Variants in MB21D2 observed in about 807,000 individuals in gnomAD.
The protein encoded by MB21D2 is Mab-21 domain containing 2, also known as nucleotidyltransferase MB21D2.
MB21D2 carries 9 observed loss-of-function variants against 33.3 expected under a neutral mutation model. That is an observed-to-expected ratio of 0.27 (90% confidence interval 0.16 to 0.47). MB21D2 has a LOEUF of 0.47. Ranked by LOEUF, MB21D2 falls within the 20% of genes least tolerant of loss-of-function variation. The pLI, the probability that MB21D2 is intolerant of heterozygous loss-of-function variation, is 0.99. For missense variants in MB21D2, 540 were observed against 624.6 expected (o/e 0.86, Z 1.44); for synonymous variants, 241 against 236.3 (o/e 1.02, Z -0.18).
chr3:192,842,909 CT>C (rs1318228909), intron 1 of MB21D2, among the ~76,000 whole-genome samples: 2 of 152,202 alleles, frequency 1.3e-5, no homozygotes, highest in East Asian at 3.8e-4. Flanking sequence ...GGACCCTAGC[CT>C]TTGGCAGACT....
chr3:192,839,703 TG>T (rs1283461115), intron 1 of MB21D2, among the ~76,000 whole-genome samples: 6 of 152,240 alleles, frequency 3.9e-5, no homozygotes, highest in African/African-American at 1.4e-4. Flanking sequence ...GTCATCAGAA[TG>T]GGAGCTTTCC....
chr3:192,893,816 G>A (rs372079268), intron 1 of MB21D2, among the ~76,000 whole-genome samples: 76 of 152,188 alleles, frequency 5.0e-4, no homozygotes, highest in African/African-American at 1.7e-3. Context: ...TGGGAGGATC[G>A]CTTGAGGCCA....
At chr3:192,900,299 A>G (rs1157129808) in intron 1 of MB21D2, among the ~76,000 whole-genome samples, 1 of 151,414 alleles carries the variant, frequency 6.6e-6, no homozygotes, top group Non-Finnish European at 1.5e-5. Context: ...AAAAAAAAAA[A>G]AAAAAAAAAT....
At chr3:192,837,903 C>T (rs575150405) in intron 1 of MB21D2, among the ~76,000 whole-genome samples, 1 of 152,306 alleles carries the variant, frequency 6.6e-6, no homozygotes, top group Admixed American at 6.5e-5. Context: ...AGGTACCGCC[C>T]ATCTATTTCT....
Position 192,917,546 on chromosome 3 carries a change from G to C in MB21D2, c.211+84C>G, listed in dbSNP as rs148673537. 2.4e-3 allele frequency: 3,499 copies of C among 1,447,586 alleles called. 70 individuals are homozygous for C. The African/African-American group carries it at 0.041, about 17-fold the overall frequency. 89.7% of individuals were successfully genotyped at this position (1,447,586 alleles called of 1,614,324 possible). A position where few individuals can be genotyped will look rare whatever the true frequency, so the allele number is the denominator to read the frequency against. ...CGGGAAGGCAACCCAGAAGGGAAGA[G>C]GTCGAGAAGCGGCAATGGGTTTTCT... On this transcript the variant is annotated intron_variant, in intron 1 of 1. Coordinates refer to ENST00000392452, the MANE Select transcript of MB21D2 (RefSeq NM_178496.4).
intron 1 of MB21D2, among the ~76,000 whole-genome samples, chr3:192,849,320 G>GT (rs1196794886): frequency 3.4e-4 from 46 of 134,348 alleles, no homozygotes; most frequent in African/African-American, 1.0e-3. Context: ...TTTTTTTGGG[G>GT]GGGGGGCGGG....
rs1246421758 is a variant in MB21D2 at position 192,817,136 on chromosome 3, T to A, written c.212-17486A>T. ...TCTATTCTATCACTTCCCTCCCTGT[T>A]TTTCTTTTAATTTTAGTTTTTATTT... On this transcript the variant is annotated intron_variant, in intron 1 of 1. Coordinates refer to ENST00000392452, the MANE Select transcript of MB21D2 (RefSeq NM_178496.4). 3.3e-5 allele frequency among the ~76,000 whole-genome samples: 5 copies of A among 152,218 alleles called. No homozygotes were observed. The East Asian group carries it at 7.7e-4, about 23-fold the overall frequency.
At chr3:192,894,269 T>C (rs1290215087) in intron 1 of MB21D2, among the ~76,000 whole-genome samples, 2 of 151,818 alleles carry the variant, frequency 1.3e-5, no homozygotes, top group African/African-American at 4.8e-5. Flanking sequence ...GCTGGGATTA[T>C]AGGCGCCCAC....
rs143056346 is a variant in MB21D2, at chr3:192,827,512, G to A, written c.212-27862C>T. On this transcript the variant is annotated intron_variant, in intron 1 of 1. Coordinates refer to ENST00000392452, the MANE Select transcript of MB21D2 (RefSeq NM_178496.4). ...TATTGAAGCTGGAGAGGTACTCTAC[G>A]TCCCAGCTTCTTATTTAAACCTCAC... Among the ~76,000 whole-genome samples the A allele has an allele frequency of 1.9e-3, 285 of 152,194 alleles. 3 individuals carry two copies. Among genetic ancestry groups the A allele is most frequent in the Admixed American group, 4.1e-3 (62 of 15,268 alleles).
At chr3:192,859,971 G>A (rs1323778171) in intron 1 of MB21D2, among the ~76,000 whole-genome samples, 1 of 152,238 alleles carries the variant, frequency 6.6e-6, no homozygotes, top group African/African-American at 2.4e-5. Context: ...CAGAAAGGAT[G>A]CAGAATGAAG....
At chr3:192,878,179 A>G (rs1399232879) in intron 1 of MB21D2, among the ~76,000 whole-genome samples, 1 of 144,938 alleles carries the variant, frequency 6.9e-6, no homozygotes, top group African/African-American at 2.7e-5. Flanking sequence ...GGCTCACTGC[A>G]AGCTCCGCCT....
intron 1 of MB21D2, among the ~76,000 whole-genome samples, chr3:192,891,848 T>C (rs1713859485): frequency 6.6e-6 from 1 of 152,028 alleles, no homozygotes; most frequent in Non-Finnish European, 1.5e-5. Flanking sequence ...AAAAATGTGA[T>C]CCATGAGAAA....
chr3:192,867,088 A>T (rs1181457981), intron 1 of MB21D2, among the ~76,000 whole-genome samples: 1 of 152,206 alleles, frequency 6.6e-6, no homozygotes, highest in Admixed American at 6.5e-5. Flanking sequence ...ATATTAGGTT[A>T]TAAAATGACT....
In MB21D2 at chr3:192,882,629, G is replaced by A. The variant is rs151211413; in HGVS notation, c.211+35001C>T. 6.6e-4 allele frequency among the ~76,000 whole-genome samples: 100 copies of A among 152,092 alleles called. 2 individuals carry two copies. The highest frequency in any genetic ancestry group is 2.3e-3 in the African/African-American group (97 of 41,426). On this transcript the variant is annotated intron_variant, in intron 1 of 1. Coordinates refer to ENST00000392452, the MANE Select transcript of MB21D2 (RefSeq NM_178496.4). ...TGGTTCAGACTTTATGAAGTTACATGTTAACTGAGATTTTTATCCATTTTA... is the reference window on the plus strand; with the variant it reads ...TGGTTCAGACTTTATGAAGTTACATATTAACTGAGATTTTTATCCATTTTA...
chr3:192,887,649 T>C (rs1713762033), intron 1 of MB21D2, among the ~76,000 whole-genome samples: 1 of 152,144 alleles, frequency 6.6e-6, no homozygotes, highest in Non-Finnish European at 1.5e-5. Flanking sequence ...TTTATATGTT[T>C]GAAGTTCCAA....
rs576244799 is a variant in MB21D2 at position 192,891,447 on chromosome 3, A to G, written c.211+26183T>C. Among the ~76,000 whole-genome samples, 12 of 152,282 alleles carry G rather than the reference A, an allele frequency of 7.9e-5. No homozygotes were observed. The South Asian group carries it at 2.5e-3, about 32-fold the overall frequency. The stretch of plus-strand genomic sequence containing the variant: ...GCTGGTATCATAAGAGGCACTGGAA[A>G]TTTGCTGTTTCCAAGCTGGTAAAAG... On this transcript the variant is annotated intron_variant, in intron 1 of 1. Coordinates refer to ENST00000392452, the MANE Select transcript of MB21D2 (RefSeq NM_178496.4).
chr3:192,805,928 G>T (rs2108610105), intron 1 of MB21D2, among the ~76,000 whole-genome samples: 1 of 152,298 alleles, frequency 6.6e-6, no homozygotes, highest in South Asian at 2.1e-4. Context: ...AATTAAACAA[G>T]ATAATCTATT....
At chr3:192,809,797 G>C (rs9882531) in intron 1 of MB21D2, among the ~76,000 whole-genome samples, 82,988 of 152,042 alleles carry the variant, frequency 0.55, 23,105 homozygotes, top group African/African-American at 0.63. Flanking sequence ...CAGCTATGTG[G>C]GTGCACACGT....
intron 1 of MB21D2, among the ~76,000 whole-genome samples, chr3:192,837,282 A>G (rs1712461865): frequency 6.6e-6 from 1 of 152,196 alleles, no homozygotes; most frequent in South Asian, 2.1e-4. Context: ...GTTTGTAAAC[A>G]TGGAGAGACA....
Sources: allele counts gnomAD v4.1 joint callset (sites outside exome capture counted in the v4.1 genomes callset), GRCh38; gene constraint gnomAD v4.1.1; transcripts MANE v1.5; gene names NCBI Gene and HGNC (gene_info 2026-07-23, HGNC 2026-07-21).